The following GON4L variants were observed in gnomAD, a reference collection of about 807,000 sequenced individuals.
GON4L encodes the protein GON-4-like protein.
In GON4L, 87 loss-of-function variants were observed where a neutral mutation model predicts 211.8. The observed-to-expected ratio is 0.41, with a 90% CI of 0.35 to 0.49. The LOEUF (loss-of-function observed/expected upper bound fraction) is 0.49, where lower values mean the gene tolerates loss of function less well. Ranked by LOEUF, GON4L falls within the 20% of genes least tolerant of loss-of-function variation. GON4L has a pLI of 0.15. For synonymous variants in GON4L, 875 were observed against 962.6 expected (o/e 0.91, Z 1.68); for missense variants, 2,155 against 2,659.5 (o/e 0.81, Z 4.17).
Position 155,766,204 on chromosome 1 carries a change from G to A in GON4L, c.3269C>T (p.Thr1090Ile), listed in dbSNP as rs906564445. ...RTSFPLSESQ[T>I]LLSSAPVPKV... is the part of the protein sequence containing the mutation. ...GGGCACAGGGGCAGAAGAGAGCAAA[G>A]TCTGGGACTCAGACAGAGGGAAGCT... Residue 1090 changes from threonine to isoleucine, a missense_variant, in exon 21 of 32, where the codon ACT (threonine) becomes ATT (isoleucine). Thr to Ile is a moderately conservative substitution (Grantham distance 89, BLOSUM62 -1). Coordinates refer to ENST00000368331, the MANE Select transcript of GON4L (RefSeq NM_001282860.2). 7 of 1,614,172 alleles carry A rather than the reference G, an allele frequency of 4.3e-6. No individual in the cohort carries two copies. The East Asian group carries it at 6.7e-5, about 15-fold the overall frequency.
intron 18 of GON4L, among the ~76,000 whole-genome samples, chr1:155,771,442 C>T (rs901581550): frequency 2.0e-5 from 3 of 152,164 alleles, no homozygotes; most frequent in African/African-American, 4.8e-5. Context: ...GCTGGGATTA[C>T]AGGCATGAGC....
downstream of GON4L, chr1:155,748,871 ATGT>A: frequency 2.2e-6 from 3 of 1,338,252 alleles, no homozygotes; most frequent in Non-Finnish European, 3.1e-6. Context: ...CATTCTAATG[ATGT>A]TGTTCCCTCC....
At chr1:155,748,552 T>C, downstream of GON4L, 1 of 1,613,656 alleles carries the variant, frequency 6.2e-7, no homozygotes, top group Non-Finnish European at 8.5e-7. Flanking sequence ...TTGTGAGGGG[T>C]TGGGTCAGTG....
chr1:155,774,081 A>T lies in GON4L; in HGVS notation c.2351-871T>A, dbSNP rs549068808. 6.8e-4 allele frequency among the ~76,000 whole-genome samples: 104 copies of T among 152,320 alleles called. 1 individual carries two copies. Among genetic ancestry groups the T allele is most frequent in the African/African-American group, 2.4e-3 (101 of 41,580 alleles). The stretch of plus-strand genomic sequence containing the variant: ...AGAACAAACCACAACTAATTTGCTA[A>T]ATCAAGAAACAAATCAGAAGCAAAT... On this transcript the variant is annotated intron_variant, in intron 17 of 31. Coordinates refer to ENST00000368331, the MANE Select transcript of GON4L (RefSeq NM_001282860.2).
rs1162206648 is a variant in GON4L, at chr1:155,822,337, A to G, written c.837T>C (p.Asp279=). The change falls in exon 4 of 32, where the codon GAT becomes GAC. Residue 279 remains aspartate, a synonymous_variant. Coordinates refer to ENST00000368331, the MANE Select transcript of GON4L (RefSeq NM_001282860.2). ...CTGTTAGATTGTGCTGCTTGGCACC[A>G]TCCTCCAAGGTACGGTCAAGCATGT... ...LDDMLDRTLE[D]GAKQHNLTAV... 1.2e-6 allele frequency: 2 copies of G among 1,614,166 alleles called. No homozygotes were observed. The highest frequency in any genetic ancestry group is 1.7e-6 in the Non-Finnish European group (2 of 1,179,996).
downstream of GON4L, chr1:155,748,902 T>A (rs940813123): frequency 2.8e-5 from 29 of 1,029,912 alleles, no homozygotes; most frequent in African/African-American, 4.2e-4. Context: ...TTAAAAAGGA[T>A]AAAAAGAAGG....
chr1:155,763,365 G>T lies in GON4L; in HGVS notation c.4673C>A (p.Thr1558Asn). 2 of 1,613,662 alleles carry T rather than the reference G, an allele frequency of 1.2e-6. No individual in the cohort carries two copies. Among genetic ancestry groups the T allele is most frequent in the Admixed American group, 3.3e-5 (2 of 59,970 alleles). ...TGGAGCAGTCTCAGGTGAAGCAAAAGTAGGAGGCTTCTCAGCAGAGTCTCC... is the reference window on the plus strand; with the variant it reads ...TGGAGCAGTCTCAGGTGAAGCAAAATTAGGAGGCTTCTCAGCAGAGTCTCC... ...AVGDSAEKPP[T>N]FASPETAPEV... The change falls in exon 22 of 32, where the codon ACT becomes AAT. Residue 1558 changes from threonine to asparagine, a missense_variant. This residue lies in a region of GON4L where 455 missense variants were observed against 504.6 expected (regional missense o/e 0.90). Transcript: ENST00000368331.
At chr1:155,785,635 G>A (rs1254143142) in intron 12 of GON4L, among the ~76,000 whole-genome samples, 4 of 152,126 alleles carry the variant, frequency 2.6e-5, no homozygotes, top group South Asian at 4.2e-4. Flanking sequence ...GACCACAGAC[G>A]CATGCCACCA....
In GON4L at chr1:155,774,559, G is replaced by A. The variant is rs534701482; in HGVS notation, c.2350+443C>T. Among the ~76,000 whole-genome samples the A allele has an allele frequency of 4.6e-5, 7 of 152,030 alleles. No homozygotes were observed. The South Asian group carries it at 6.2e-4, about 14-fold the overall frequency. On this transcript the variant is annotated intron_variant, in intron 17 of 31. Transcript: ENST00000368331. Reference sequence around the variant, plus strand: ...CCTGACATTGTGTTCCCCGTGCCTCGGCCTCCCAAAGTACTGGGATTACAG... The same window carrying A: ...CCTGACATTGTGTTCCCCGTGCCTCAGCCTCCCAAAGTACTGGGATTACAG...
At chr1:155,747,959 G>A, downstream of GON4L, 1 of 1,570,164 alleles carries the variant, frequency 6.4e-7, no homozygotes. Flanking sequence ...AATGCAAACT[G>A]GTTTTTTTCT....
intron 15 of GON4L, 103 bp downstream of exon 15, chr1:155,777,519 A>C (rs1333883783): frequency 2.3e-6 from 2 of 872,074 alleles, no homozygotes; most frequent in African/African-American, 3.3e-5. Flanking sequence ...GCAGAGGTTG[A>C]AGTGAGCCGA....
chr1:155,762,399 G>A, intron 22 of GON4L, 25 bp from the exon 23 acceptor site: 1 of 1,572,568 alleles, frequency 6.4e-7, no homozygotes, highest in Non-Finnish European at 8.7e-7. Flanking sequence ...GAAAAGGATT[G>A]TTTCCCTGTC....
intron 2 of GON4L, chr1:155,831,443 C>CT (rs1208919431): frequency 2.0e-5 from 3 of 148,048 alleles, no homozygotes; most frequent in African/African-American, 7.5e-5. Flanking sequence ...GAGTAAGACT[C>CT]TGTCTCGTTA....
rs569397572 is a variant in GON4L, at chr1:155,820,744, G to A, written c.964-88C>T. ...TGCCTATAATCCTAGCACTTTAGGG[G>A]CCAAGGTGGGAGGATGGCTTGAGGC... is the stretch of plus-strand genomic sequence containing the variant. On this transcript the variant is annotated intron_variant, in intron 5 of 31. Transcript: ENST00000368331. 8.4e-6 allele frequency: 8 copies of A among 954,968 alleles called. No individual in the cohort carries two copies. The East Asian group carries it at 9.6e-5, about 11-fold the overall frequency. The allele number at this position is 954,968 out of a possible 1,614,324, so 59.2% of individuals were successfully genotyped here.
upstream of GON4L, among the ~76,000 whole-genome samples, chr1:155,857,634 C>T (rs901959792): frequency 1.3e-5 from 2 of 152,080 alleles, no homozygotes; most frequent in Non-Finnish European, 2.9e-5. Flanking sequence ...GAGGCTGAGG[C>T]AGGAGAATCG....
chr1:155,808,379 T>C lies in GON4L; in HGVS notation c.1453-3238A>G, dbSNP rs138505222. Reference sequence around the variant, plus strand: ...AAAATAAAATCTACACCCCTTATCATGGTTTCCTAAGACCTTCATGATCTA... The same window carrying C: ...AAAATAAAATCTACACCCCTTATCACGGTTTCCTAAGACCTTCATGATCTA... On this transcript the variant is annotated intron_variant, in intron 10 of 31. Coordinates refer to ENST00000368331, the MANE Select transcript of GON4L (RefSeq NM_001282860.2). Among the ~76,000 whole-genome samples, 19 of 152,280 alleles carry C rather than the reference T, an allele frequency of 1.2e-4. No individual in the cohort carries two copies. The East Asian group carries it at 3.7e-3, about 29-fold the overall frequency.
intron 2 of GON4L, among the ~76,000 whole-genome samples, chr1:155,835,313 G>GGGAC (rs2102375327): frequency 6.6e-6 from 1 of 152,208 alleles, no homozygotes; most frequent in South Asian, 2.1e-4. Context: ...CAAGGACCCA[G>GGGAC]GGACACAAAC....
chr1:155,761,131 A>C (rs1164563352), intron 23 of GON4L, among the ~76,000 whole-genome samples: 1 of 150,830 alleles, frequency 6.6e-6, no homozygotes, highest in Non-Finnish European at 1.5e-5. Flanking sequence ...AGAGAAGGAC[A>C]CAGTTCTCCA....
At chr1:155,855,979 CAAAAAAAAAA>C (rs755007254) in intron 1 of GON4L, among the ~76,000 whole-genome samples, 4 of 23,708 alleles carry the variant, frequency 1.7e-4, no homozygotes, top group South Asian at 1.8e-3. Flanking sequence ...GAGACTCTGT[CAAAAAAAAAA>C]AAAAAAAAAA....
Sources: allele counts gnomAD v4.1 joint callset (sites outside exome capture counted in the v4.1 genomes callset), GRCh38; gene constraint gnomAD v4.1.1; regional missense constraint gnomAD v4.1.1; transcripts MANE v1.5; gene names NCBI Gene and HGNC (gene_info 2026-07-23, HGNC 2026-07-21).